The following ATG4D variants were observed in gnomAD, a reference collection of about 807,000 sequenced individuals.
ATG4D encodes cysteine protease ATG4D.
ATG4D carries 51 observed loss-of-function variants against 55.2 expected under a neutral mutation model. The observed-to-expected ratio is 0.92, with a 90% CI of 0.74 to 1.17. The LOEUF (loss-of-function observed/expected upper bound fraction) is 1.17, where lower values mean the gene tolerates loss of function less well. Among genes scored for constraint, ATG4D ranks in the 50% most tolerant of loss-of-function variants. The pLI, the probability that ATG4D is intolerant of heterozygous loss-of-function variation, is 0.00. For missense variants in ATG4D, 635 were observed against 649.6 expected, an observed-to-expected ratio of 0.98 and a Z score of 0.25; for synonymous variants, 268 against 266.2, an observed-to-expected ratio of 1.01 and a Z score of -0.07.
intron 6 of ATG4D, chr19:10,551,121 C>T (rs923482590): frequency 6.6e-6 from 1 of 152,154 alleles, no homozygotes; most frequent in Non-Finnish European, 1.5e-5. Flanking sequence ...CACAAGGCTC[C>T]CTTCCCTCTT....
At chr19:10,549,416 CG>C (rs1430536179) in intron 6 of ATG4D, among the ~76,000 whole-genome samples, 1 of 151,848 alleles carries the variant, frequency 6.6e-6, no homozygotes, top group Non-Finnish European at 1.5e-5. Context: ...AGCCACCACA[CG>C]GGCCATCCCT....
At position 10,544,127 on chromosome 19, in the gene ATG4D, A is replaced by C. The variant is rs1327275036; in HGVS notation, c.37A>C (p.Ser13Arg). 5.6e-6 allele frequency: 7 copies of C among 1,243,078 alleles called. No individual in the cohort carries two copies. In the African/African-American group the frequency reaches 1.1e-4, roughly 19 times the overall value. The allele number at this position is 1,243,078 out of a possible 1,614,324, so 77.0% of individuals were successfully genotyped here. Residue 13 changes from serine (S) to arginine (R), a missense_variant, in exon 1 of 10, where the codon AGC becomes CGC. Coordinates refer to ENST00000309469, the MANE Select transcript of ATG4D (RefSeq NM_032885.6). ...SVSPAAAQYRSSSPEDARRRP... is the reference protein window; with the variant it reads ...SVSPAAAQYRRSSPEDARRRP... ...GTCGCCGGCCGCCGCGCAGTACCGG[A>C]GCAGCAGCCCGGAGGACGCGCGCCG...
intron 3 of ATG4D, among the ~76,000 whole-genome samples, chr19:10,546,349 A>T (rs575851954): frequency 1.9e-4 from 28 of 149,904 alleles, no homozygotes; most frequent in African/African-American, 4.7e-4. Flanking sequence ...TATTATTATT[A>T]TTATTTTTTT....
chr19:10,547,885 T>A (rs1286642548), intron 5 of ATG4D, among the ~76,000 whole-genome samples: 1 of 140,960 alleles, frequency 7.1e-6, no homozygotes, highest in Non-Finnish European at 1.5e-5. Context: ...TTAGTAGAGA[T>A]GGGGTTTCAC....
Position 10,553,015 on chromosome 19 carries a change from G to A in ATG4D, c.1373G>A (p.Gly458Glu), listed in dbSNP as rs1321172179. ...AQPTLRLPRT[G>E]RLLRAKRPSS... ...CCCACACTCCGGCTCCCTCGCACAG[G>A]GCGGCTCCTCAGGGCCAAACGCCCC... Residue 458 changes from glycine to glutamate, a missense_variant, in exon 10 of 10, where the codon GGG becomes GAG. Gly to Glu is a moderately conservative substitution (Grantham distance 98, BLOSUM62 -2). Coordinates refer to ENST00000309469, the MANE Select transcript of ATG4D (RefSeq NM_032885.6). 2 of 1,612,572 alleles carry A rather than the reference G, an allele frequency of 1.2e-6. No individual in the cohort carries two copies. Among genetic ancestry groups the A allele is most frequent in the East Asian group, 2.2e-5 (1 of 44,860 alleles).
chr19:10,544,681 A>G (rs750081110), intron 1 of ATG4D, 102 bp from the exon 2 acceptor site: 5 of 1,547,916 alleles, frequency 3.2e-6, no homozygotes, highest in Non-Finnish European at 4.4e-6. Context: ...CCCCGGAGAT[A>G]GGAACTAGGA....
chr19:10,545,226 C>T (rs1915996919), intron 3 of ATG4D, 96 bp downstream of exon 3: 1 of 1,461,040 alleles, frequency 6.8e-7, no homozygotes, highest in African/African-American at 1.4e-5. Flanking sequence ...TTCAAAGTCA[C>T]GTTAGAATTG....
At chr19:10,546,756 C>G in intron 3 of ATG4D, 83 bp from the exon 4 acceptor site, 1 of 1,402,458 alleles carries the variant, frequency 7.1e-7, no homozygotes, top group Non-Finnish European at 9.7e-7. Flanking sequence ...CAGGAGCATT[C>G]GCATTGTGTG....
intron 3 of ATG4D, 55 bp downstream of exon 3, chr19:10,545,185 A>G: frequency 6.4e-7 from 1 of 1,574,688 alleles, no homozygotes. Context: ...CTGCCATATC[A>G]GCAGTATTAG....
chr19:10,544,482 G>A (rs1915967747), intron 1 of ATG4D, among the ~76,000 whole-genome samples, 157 bp downstream of exon 1: 1 of 152,148 alleles, frequency 6.6e-6, no homozygotes, highest in Non-Finnish European at 1.5e-5. Flanking sequence ...GTCCAATAGT[G>A]TTTTCAAGCC....
Position 10,544,061 on chromosome 19 carries a change from G to T in ATG4D, c.-30G>T. 4 of 1,225,992 alleles carry T rather than the reference G, an allele frequency of 3.3e-6. No homozygotes were observed. The highest frequency in any genetic ancestry group is 4.1e-6 in the Non-Finnish European group (4 of 979,360). 75.9% of individuals were successfully genotyped at this position (1,225,992 alleles called of 1,614,324 possible). ...GGGCAGCGGCCGCAGCCCCCCACCT[G>T]GGCCCTCGGTCCGCCCTCCCGGCGC... On this transcript the variant is annotated 5_prime_UTR_variant, in exon 1 of 10. Transcript: ENST00000309469.
chr19:10,544,117 G>T lies in ATG4D; in HGVS notation c.27G>T (p.Ala9=). The change falls in exon 1 of 10, where the codon GCG becomes GCT. Residue 9 remains alanine (A), a synonymous_variant. Coordinates refer to ENST00000309469, the MANE Select transcript of ATG4D (RefSeq NM_032885.6). ...TGAACTCAGTGTCGCCGGCCGCCGCGCAGTACCGGAGCAGCAGCCCGGAGG... is the reference window on the plus strand; with the variant it reads ...TGAACTCAGTGTCGCCGGCCGCCGCTCAGTACCGGAGCAGCAGCCCGGAGG... The part of the protein sequence containing the change: MNSVSPAA[A]QYRSSSPEDA... 8.0e-7 allele frequency: 1 copy of T among 1,242,528 alleles called. No homozygotes were observed. The highest frequency in any genetic ancestry group is 1.0e-6 in the Non-Finnish European group (1 of 986,148). 77.0% of individuals were successfully genotyped at this position (1,242,528 alleles called of 1,614,324 possible). A position where few individuals can be genotyped will look rare whatever the true frequency, so the allele number is the denominator to read the frequency against.
Position 10,548,942 on chromosome 19 carries a change from G to A in ATG4D, c.874G>A (p.Asp292Asn). 1.9e-6 allele frequency: 3 copies of A among 1,614,120 alleles called. No homozygotes were observed. The highest frequency in any genetic ancestry group is 2.5e-6 in the Non-Finnish European group (3 of 1,180,018). ...ADVARLVARP[D>N]PTAEWKSVVI... ...TGTGGCACGCCTGGTGGCCAGGCCA[G>A]ACCCCACAGCCGAGTGGAAGTCTGT... The change falls in exon 6 of 10, where the codon GAC becomes AAC. Residue 292 changes from aspartate (D) to asparagine (N), a missense_variant. Transcript: ENST00000309469.
At chr19:10,552,862 C>T (rs1158074013) in intron 9 of ATG4D, 23 bp from the exon 10 acceptor site, 1 of 1,592,398 alleles carries the variant, frequency 6.3e-7, no homozygotes, top group Non-Finnish European at 8.6e-7. Flanking sequence ...TTGTGGCTGA[C>T]CCTGTCTCCC....
At chr19:10,550,743 G>C (rs1358798392) in intron 6 of ATG4D, among the ~76,000 whole-genome samples, 2 of 118,236 alleles carry the variant, frequency 1.7e-5, no homozygotes, top group African/African-American at 3.2e-5. Flanking sequence ...ACGGAGTCTT[G>C]CTCTGTCACT....
At position 10,553,045 on chromosome 19, in the gene ATG4D, C is replaced by T. The variant is rs778430562; in HGVS notation, c.1403C>T (p.Ser468Phe). 15 of 1,605,656 alleles carry T rather than the reference C, an allele frequency of 9.3e-6. No individual in the cohort carries two copies. The highest frequency in any genetic ancestry group is 1.7e-5 in the Admixed American group (1 of 58,936). Residue 468 changes from serine (S) to phenylalanine (F), a missense_variant, in exon 10 of 10, where the codon TCT becomes TTT. Transcript: ENST00000309469. ...CTCCTCAGGGCCAAACGCCCCAGCTCTGAGGACTTTGTGTTTTTATAAAGG... is the reference window on the plus strand; with the variant it reads ...CTCCTCAGGGCCAAACGCCCCAGCTTTGAGGACTTTGTGTTTTTATAAAGG... ...GRLLRAKRPSSEDFVFL is the reference protein window; with the variant it reads ...GRLLRAKRPSFEDFVFL
chr19:10,544,290 C>T lies in ATG4D; in HGVS notation c.200C>T (p.Ala67Val). 7.7e-7 allele frequency: 1 copy of T among 1,296,482 alleles called. No homozygotes were observed. The highest frequency in any genetic ancestry group is 2.9e-5 in the East Asian group (1 of 34,554). The allele number at this position is 1,296,482 out of a possible 1,614,324, so 80.3% of individuals were successfully genotyped here. A position where few individuals can be genotyped will look rare whatever the true frequency, so the allele number is the denominator to read the frequency against. ...SEPDEVDKFKAKFLTAWNNVK... is the reference protein window; with the variant it reads ...SEPDEVDKFKVKFLTAWNNVK... Reference sequence around the variant, plus strand: ...CCGGACGAAGTGGACAAGTTCAAGGCCAAGTTCCTGACAGCCTGGAACAAC... The same window carrying T: ...CCGGACGAAGTGGACAAGTTCAAGGTCAAGTTCCTGACAGCCTGGAACAAC... The change falls in exon 1 of 10, where the codon GCC becomes GTC. Residue 67 changes from alanine to valine, a missense_variant. Physicochemically the swap from Ala to Val is moderately conservative, Grantham distance 64 (BLOSUM62 0). Coordinates refer to ENST00000309469, the MANE Select transcript of ATG4D (RefSeq NM_032885.6).
In ATG4D at chr19:10,551,264, C is replaced by T. The variant is rs952676568; in HGVS notation, c.967-633C>T. On this transcript the variant is annotated intron_variant, in intron 6 of 9. Coordinates refer to ENST00000309469, the MANE Select transcript of ATG4D (RefSeq NM_032885.6). ...ATCACCTGAGGTCAGGAGTCCAAGA[C>T]CAGTCTGGCCAACATGGTGAAACCT... Among the ~76,000 whole-genome samples, 6 of 151,874 alleles carry T rather than the reference C, an allele frequency of 4.0e-5. No individual in the cohort carries two copies. The South Asian group carries it at 8.3e-4, about 21-fold the overall frequency.
intron 3 of ATG4D, among the ~76,000 whole-genome samples, chr19:10,546,234 G>T (rs1916025810): frequency 1.3e-5 from 2 of 151,704 alleles, no homozygotes; most frequent in South Asian, 2.1e-4. Context: ...TGAGGCGGGA[G>T]AATCTGTTGA....
Sources: allele counts gnomAD v4.1 joint callset (sites outside exome capture counted in the v4.1 genomes callset), GRCh38; gene constraint gnomAD v4.1.1; transcripts MANE v1.5; gene names NCBI Gene and HGNC (gene_info 2026-07-23, HGNC 2026-07-21).